Variants in TACC2 observed in about 807,000 individuals in gnomAD.
TACC2 encodes transforming acidic coiled-coil-containing protein 2.
Under a neutral mutation model 227.3 loss-of-function variants are expected in TACC2, and 137 were observed. The ratio of observed to expected loss-of-function variants is 0.60; its 90% confidence interval spans 0.52 to 0.69. TACC2 has a LOEUF of 0.69. Ranked by LOEUF, TACC2 falls within the 30% of genes least tolerant of loss-of-function variation. The pLI, the probability that TACC2 is intolerant of heterozygous loss-of-function variation, is 0.00. For missense variants in TACC2, 3,470 were observed against 3,694.4 expected, an observed-to-expected ratio of 0.94 and a Z score of 1.57; for synonymous variants, 1,523 against 1,487.5, an observed-to-expected ratio of 1.02 and a Z score of -0.55.
chr10:122,105,988 AT>A (rs35421851), intron 5 of TACC2, among the ~76,000 whole-genome samples: 67,251 of 124,534 alleles, frequency 0.54, 19,900 homozygotes, highest in Non-Finnish European at 0.68. Flanking sequence ...ATACATATAC[AT>A]TTTTTTTTTT....
chr10:122,211,774 C>T, intron 9 of TACC2, 66 bp downstream of exon 9: 2 of 1,408,658 alleles, frequency 1.4e-6, no homozygotes, highest in Non-Finnish European at 1.9e-6. Context: ...GACCCTTGGT[C>T]ATGTGCCTGG....
chr10:122,241,920 G>A, intron 18 of TACC2, 38 bp from the exon 19 acceptor site: 7 of 1,603,684 alleles, frequency 4.4e-6, no homozygotes, highest in Non-Finnish European at 6.0e-6. Flanking sequence ...AAACCATTCT[G>A]TTGTCATGAC....
At chr10:122,006,860 T>G (rs1378054916) in intron 1 of TACC2, among the ~76,000 whole-genome samples, 1 of 2,664 alleles carries the variant, frequency 3.8e-4, no homozygotes, top group Non-Finnish European at 9.6e-4. Context: ...GCTTTCCTGA[T>G]TTTTTTTTTT....
In TACC2 at chr10:122,050,665, A is replaced by G. The variant is rs1320454128; in HGVS notation, c.146+115A>G. On this transcript the variant is annotated intron_variant, in intron 3 of 22. Transcript: ENST00000369005. This position sits in a 1 kb window ranked among gnomAD's most constrained non-coding sequence, Gnocchi z 4.6. ...GAAACTGGACCCTTAGACACATGGT[A>G]TCGTCCTCAGTGGTGAGATGTTCCA... 1 of 756,350 alleles carries G rather than the reference A, an allele frequency of 1.3e-6. No homozygotes were observed. Among genetic ancestry groups the G allele is most frequent in the South Asian group, 1.7e-5 (1 of 58,462 alleles). The allele number at this position is 756,350 out of a possible 1,614,324, so 46.9% of individuals were successfully genotyped here. A position where few individuals can be genotyped will look rare whatever the true frequency, so the allele number is the denominator to read the frequency against.
At chr10:122,033,043 G>A (rs1215522546) in intron 2 of TACC2, 2 of 1,143,488 alleles carry the variant, frequency 1.7e-6, no homozygotes, top group Non-Finnish European at 2.3e-6. Flanking sequence ...TTGTCCATCT[G>A]GTCCTGTTCC....
chr10:122,242,026 T>C, intron 19 of TACC2, 25 bp downstream of exon 19: 7 of 1,609,510 alleles, frequency 4.3e-6, no homozygotes, highest in Non-Finnish European at 5.1e-6. Flanking sequence ...CTGCGGGGGC[T>C]CAGGCCGGCC....
At position 122,226,461 on chromosome 10, in the gene TACC2, G is replaced by A; in HGVS notation, c.7704G>A (p.Glu2568=). Residue 2568 remains glutamate (E), a synonymous_variant, in exon 13 of 23, where the codon GAG becomes GAA. Coordinates refer to ENST00000369005, the MANE Select transcript of TACC2 (RefSeq NM_206862.4). ...PVKSSPVRMS[E]SPTPCSGSSF... ...AGTCATCTCCCGTCCGCATGTCAGA[G>A]TCCCCGACGCCGTGTTCAGGGTATG... The A allele has an allele frequency of 6.2e-7, 1 of 1,613,732 alleles. No homozygotes were observed. The highest frequency in any genetic ancestry group is 2.2e-5 in the East Asian group (1 of 44,860).
intron 5 of TACC2, among the ~76,000 whole-genome samples, chr10:122,127,664 A>G (rs1164217261): frequency 1.3e-5 from 2 of 152,146 alleles, no homozygotes; most frequent in East Asian, 3.9e-4. Flanking sequence ...AGCAGAACTT[A>G]GAAGCCATTT....
At chr10:122,130,298 A>T (rs1224635323) in intron 5 of TACC2, among the ~76,000 whole-genome samples, 1 of 149,922 alleles carries the variant, frequency 6.7e-6, no homozygotes, top group Non-Finnish European at 1.5e-5. Context: ...GCCCAGCCAG[A>T]CTCCCCCTTC....
At chr10:122,129,080 T>TTATTATTATTAG (rs2087505282) in intron 5 of TACC2, among the ~76,000 whole-genome samples, 1 of 147,618 alleles carries the variant, frequency 6.8e-6, no homozygotes, top group Admixed American at 6.8e-5. Flanking sequence ...ATTATTATTA[T>TTATTATTATTAG]TATTATTATT....
chr10:122,024,508 C>A (rs1366950446), intron 2 of TACC2, among the ~76,000 whole-genome samples: 1 of 152,154 alleles, frequency 6.6e-6, no homozygotes, highest in African/African-American at 2.4e-5. Flanking sequence ...TGCCCGTCAC[C>A]AGGGGATTAC....
In TACC2 at chr10:122,194,745, G is replaced by T. The variant is rs558195360; in HGVS notation, c.5835-295G>T. Among the ~76,000 whole-genome samples the T allele has an allele frequency of 3.3e-5, 5 of 152,142 alleles. No homozygotes were observed. The highest frequency in any genetic ancestry group is 5.9e-5 in the Non-Finnish European group (4 of 68,040). ...TTTGAATCAATACCTAATAATGAAC[G>T]CGTGCGGAAGTTCATCCAGAGTCCG... On this transcript the variant is annotated intron_variant, in intron 7 of 22. Transcript: ENST00000369005. The surrounding 1 kb of genome is among the most constrained non-coding windows in gnomAD (Gnocchi z 4.4).
At chr10:122,152,999 C>CTTTTTTTTTTTTTTT (rs150943859) in intron 7 of TACC2, among the ~76,000 whole-genome samples, 35 of 135,034 alleles carry the variant, frequency 2.6e-4, no homozygotes, top group East Asian at 2.6e-3. Flanking sequence ...TTCTTTCTTT[C>CTTTTTTTTTTTTTTT]TTTTTTTTTT....
At chr10:122,046,479 A>T (rs1260733570) in intron 2 of TACC2, among the ~76,000 whole-genome samples, 1 of 151,978 alleles carries the variant, frequency 6.6e-6, no homozygotes, top group Non-Finnish European at 1.5e-5. Context: ...GTCTCAAAAT[A>T]TAATAATAAA....
At chr10:121,993,489 A>C (rs1953125023) in intron 1 of TACC2, among the ~76,000 whole-genome samples, 1 of 152,158 alleles carries the variant, frequency 6.6e-6, no homozygotes, top group African/African-American at 2.4e-5. Context: ...TTCTTATGTG[A>C]GTTTCCAGAA....
At chr10:122,245,372 T>G (rs12572424) in intron 19 of TACC2, among the ~76,000 whole-genome samples, 49,169 of 151,850 alleles carry the variant, frequency 0.32, 8,873 homozygotes, top group East Asian at 0.6. Flanking sequence ...TTAAAAAGGG[T>G]TAGGTTGAGA....
intron 2 of TACC2, among the ~76,000 whole-genome samples, chr10:122,044,826 T>G (rs1434212686): frequency 6.6e-6 from 1 of 152,036 alleles, no homozygotes; most frequent in Non-Finnish European, 1.5e-5. Flanking sequence ...AAAGACTGTT[T>G]GTTTACTCAA....
At chr10:122,252,809 A>T (rs1020790827) in intron 22 of TACC2, among the ~76,000 whole-genome samples, 29 of 152,166 alleles carry the variant, frequency 1.9e-4, no homozygotes, top group African/African-American at 7.0e-4. Context: ...AGTAATTTTA[A>T]GATTAGTGGT....
chr10:122,134,195 G>A (rs1174987196), intron 6 of TACC2, among the ~76,000 whole-genome samples: 51 of 147,124 alleles, frequency 3.5e-4, no homozygotes, highest in African/African-American at 1.3e-3. Context: ...TTCCTGAGAC[G>A]GAGTCTCACT....
Sources: allele counts gnomAD v4.1 joint callset (sites outside exome capture counted in the v4.1 genomes callset), GRCh38; gene constraint gnomAD v4.1.1; non-coding constraint Gnocchi (gnomAD v3.1); transcripts MANE v1.5; gene names NCBI Gene and HGNC (gene_info 2026-07-23, HGNC 2026-07-21).